The following PCYT1A variants were observed in gnomAD, a reference collection of about 807,000 sequenced individuals.
PCYT1A encodes the protein choline-phosphate cytidylyltransferase A.
In PCYT1A, 25 loss-of-function variants were observed where a neutral mutation model predicts 43.7. The observed-to-expected ratio is 0.57, with a 90% CI of 0.42 to 0.80. The LOEUF is 0.80. PCYT1A is among the 30% of genes least tolerant of loss of function. PCYT1A has a pLI of 0.00. For missense variants in PCYT1A, 421 were observed against 474.2 expected (o/e 0.89, Z 1.04); for synonymous variants, 172 against 170.7 (o/e 1.01, Z -0.06).
intron 5 of PCYT1A, among the ~76,000 whole-genome samples, chr3:196,245,372 T>A (rs1724529242): frequency 6.6e-6 from 1 of 152,120 alleles, no homozygotes; most frequent in Admixed American, 6.5e-5. Context: ...ACTCCTGACC[T>A]CAAGTGATCC....
Position 196,257,900 on chromosome 3 carries a change from A to T in PCYT1A, c.118-13T>A. 6.4e-7 allele frequency: 1 copy of T among 1,557,990 alleles called. No homozygotes were observed. The highest frequency in any genetic ancestry group is 8.8e-7 in the Non-Finnish European group (1 of 1,130,686). On this transcript the variant is annotated splice_polypyrimidine_tract_variant and intron_variant, in intron 2 of 8. Transcript: ENST00000431016. ...GTTGCCGTAAGCCCTTAAGAAATGG[A>T]AAGTGAAGGAAAAGAAAGTTCAACT...
intron 1 of PCYT1A, among the ~76,000 whole-genome samples, chr3:196,285,960 TG>T (rs1725898450): frequency 6.6e-6 from 1 of 152,138 alleles, no homozygotes; most frequent in Non-Finnish European, 1.5e-5. Flanking sequence ...TCCCAACCCT[TG>T]TTCCTACGCT....
Position 196,252,860 on chromosome 3 carries a change from T to C in PCYT1A, c.218-4537A>G, listed in dbSNP as rs371038804. ...CTGGGCAACACAGTGAAACCCTATC[T>C]CTATTAAAATTATTTTTTACTGCCA... On this transcript the variant is annotated intron_variant, in intron 3 of 8. Transcript: ENST00000431016. The surrounding 1 kb of genome is among the most constrained non-coding windows in gnomAD (Gnocchi z 4.0). Among the ~76,000 whole-genome samples the C allele has an allele frequency of 5.9e-5, 9 of 151,390 alleles. No individual in the cohort carries two copies. The highest frequency in any genetic ancestry group is 3.9e-4 in the East Asian group (2 of 5,182).
chr3:196,258,549 T>A (rs75475085), intron 2 of PCYT1A, among the ~76,000 whole-genome samples: 3,906 of 152,016 alleles, frequency 0.026, 156 homozygotes, highest in African/African-American at 0.088. Context: ...TATAATATCA[T>A]GTCATCTGTG....
Position 196,234,484 on chromosome 3 carries a change from C to T in PCYT1A, c.*4204G>A, listed in dbSNP as rs1198221441. On this transcript the variant is annotated 3_prime_UTR_variant, in exon 9 of 9. Transcript: ENST00000431016. Reference sequence around the variant, plus strand: ...GAACCCCACTTGAGGAAGACTTCCCCACGGACTCACACTGGTGATGGGGCG... The same window carrying T: ...GAACCCCACTTGAGGAAGACTTCCCTACGGACTCACACTGGTGATGGGGCG... 1.3e-5 allele frequency: 2 copies of T among 152,212 alleles called. No homozygotes were observed. Among genetic ancestry groups the T allele is most frequent in the Admixed American group, 1.3e-4 (2 of 15,274 alleles). 9.4% of individuals were successfully genotyped at this position (152,212 alleles called of 1,614,324 possible).
In PCYT1A at chr3:196,235,448, TA is replaced by T. The variant is rs1724133064; in HGVS notation, c.*3239del. On this transcript the variant is annotated 3_prime_UTR_variant, in exon 9 of 9. Coordinates refer to ENST00000431016, the MANE Select transcript of PCYT1A (RefSeq NM_001312673.2). The surrounding 1 kb of genome is among the most constrained non-coding windows in gnomAD (Gnocchi z 4.3). ...AACCTCCTCACATCCCTAACTTTCT[TA>T]CCCAAGCCTCAGCAATATAATGGTC... 6.6e-6 allele frequency: 1 copy of T among 152,276 alleles called. No homozygotes were observed. Among genetic ancestry groups the T allele is most frequent in the South Asian group, 2.1e-4 (1 of 4,832 alleles). The allele number at this position is 152,276 out of a possible 1,614,324, so 9.4% of individuals were successfully genotyped here. A position where few individuals can be genotyped will look rare whatever the true frequency, so the allele number is the denominator to read the frequency against.
intron 5 of PCYT1A, among the ~76,000 whole-genome samples, chr3:196,244,856 G>A (rs1412533237): frequency 6.6e-6 from 1 of 152,020 alleles, no homozygotes; most frequent in Non-Finnish European, 1.5e-5. Flanking sequence ...TAAGGGCGGT[G>A]CAAGATGTGC....
chr3:196,285,419 A>G (rs1028926464), intron 1 of PCYT1A, among the ~76,000 whole-genome samples: 2 of 152,162 alleles, frequency 1.3e-5, no homozygotes, highest in Non-Finnish European at 2.9e-5. Flanking sequence ...GGATCGTGCC[A>G]GCACACTCCA....
chr3:196,268,103 A>G lies in PCYT1A; in HGVS notation c.117+2312T>C, dbSNP rs1725329512. ...TATATGAAGCAAAGTAATTTAAAGC[A>G]TTAAGACTCCCCAGAAGAATTTAAA... On this transcript the variant is annotated intron_variant, in intron 2 of 8. Transcript: ENST00000431016. This position sits in a 1 kb window ranked among gnomAD's most constrained non-coding sequence, Gnocchi z 4.4. Among the ~76,000 whole-genome samples, 1 of 151,566 alleles carries G rather than the reference A, an allele frequency of 6.6e-6. No homozygotes were observed. Among genetic ancestry groups the G allele is most frequent in the Non-Finnish European group, 1.5e-5 (1 of 67,978 alleles).
Position 196,247,341 on chromosome 3 carries a change from A to G in PCYT1A, c.486+26T>C. 1 of 1,611,354 alleles carries G rather than the reference A, an allele frequency of 6.2e-7. No individual in the cohort carries two copies. ...AGTTGAGGGGATTCTGAAACAAGGA[A>G]TGGGAATATGTGTCCAGTTTCTTAC... On this transcript the variant is annotated intron_variant, in intron 5 of 8. Coordinates refer to ENST00000431016, the MANE Select transcript of PCYT1A (RefSeq NM_001312673.2). This position sits in a 1 kb window ranked among gnomAD's most constrained non-coding sequence, Gnocchi z 4.8.
chr3:196,239,596 C>T lies in PCYT1A; in HGVS notation c.848G>A (p.Arg283Gln), dbSNP rs1282668916. Residue 283 changes from arginine (R) to glutamine (Q), a missense_variant, in exon 8 of 9, where the codon CGA becomes CAA. By Grantham distance (43) the Arg-to-Gln change is conservative. Coordinates refer to ENST00000431016, the MANE Select transcript of PCYT1A (RefSeq NM_001312673.2). Reference sequence around the variant, plus strand: ...TTCCAGAAAACTTCCAATGAATTCTCGGGACTTCTCCTCCCACTTCTGAAT... The same window carrying T: ...TTCCAGAAAACTTCCAATGAATTCTTGGGACTTCTCCTCCCACTTCTGAAT... ...DLIQKWEEKS[R>Q]EFIGSFLEMF... is the part of the protein sequence containing the mutation. 3.1e-6 allele frequency: 5 copies of T among 1,613,322 alleles called. No individual in the cohort carries two copies. Among genetic ancestry groups the T allele is most frequent in the Non-Finnish European group, 4.2e-6 (5 of 1,179,252 alleles).
At position 196,247,227 on chromosome 3, in the gene PCYT1A, T is replaced by C; in HGVS notation, c.486+140A>G. The C allele has an allele frequency of 2.4e-6, 2 of 846,812 alleles. No homozygotes were observed. The highest frequency in any genetic ancestry group is 4.8e-5 in the East Asian group (2 of 41,276). The allele number at this position is 846,812 out of a possible 1,614,324, so 52.5% of individuals were successfully genotyped here. Reference sequence around the variant, plus strand: ...CAGGGGTGACTGTTATCACTAGTAATATCACTGTCATCTCCTACGAAACTT... The same window carrying C: ...CAGGGGTGACTGTTATCACTAGTAACATCACTGTCATCTCCTACGAAACTT... On this transcript the variant is annotated intron_variant, in intron 5 of 8. Transcript: ENST00000431016. The surrounding 1 kb of genome is among the most constrained non-coding windows in gnomAD (Gnocchi z 4.8).
intron 1 of PCYT1A, among the ~76,000 whole-genome samples, chr3:196,283,028 A>G (rs894835366): frequency 7.9e-5 from 12 of 152,222 alleles, no homozygotes; most frequent in Admixed American, 7.9e-4. Context: ...AACTTGTGGT[A>G]CAAGAGAATT....
chr3:196,251,286 T>C (rs938273027), intron 3 of PCYT1A: 3 of 174,474 alleles, frequency 1.7e-5, no homozygotes, highest in African/African-American at 7.3e-5. Context: ...AGATACACCA[T>C]GCTGAGGTTG....
At chr3:196,279,610 A>C (rs533329366) in intron 1 of PCYT1A, among the ~76,000 whole-genome samples, 2 of 152,240 alleles carry the variant, frequency 1.3e-5, no homozygotes, top group African/African-American at 4.8e-5. Context: ...GTTCCAACAC[A>C]TGCCTGCTGA....
Position 196,242,563 on chromosome 3 carries a change from TG to T in PCYT1A, c.563del (p.Ala188GlufsTer62). The part of the protein sequence containing the change: ...SDDVYKHIKE[A>X]GMFAPTQRTE... ...AGTGAGGAAGCACAGCTCACTCACC[TG>T]CCTCCTTGATGTGCTTATAAACATC... On this transcript the variant is annotated frameshift_variant and splice_region_variant, in exon 6 of 9. Transcript: ENST00000431016. LOFTEE classifies it high-confidence loss of function. This position sits in a 1 kb window ranked among gnomAD's most constrained non-coding sequence, Gnocchi z 4.2. 6.2e-7 allele frequency: 1 copy of T among 1,601,550 alleles called. No homozygotes were observed.
At chr3:196,276,016 G>A (rs930566745) in intron 1 of PCYT1A, among the ~76,000 whole-genome samples, 2 of 150,608 alleles carry the variant, frequency 1.3e-5, no homozygotes, top group African/African-American at 4.9e-5. Context: ...AGAATGGTGT[G>A]AACCCGGGAG....
At chr3:196,256,112 G>T (rs1724942826) in intron 3 of PCYT1A, among the ~76,000 whole-genome samples, 1 of 152,172 alleles carries the variant, frequency 6.6e-6, no homozygotes, top group South Asian at 2.1e-4. Context: ...AAAAGGAAAG[G>T]ATTCTCTGGA....
At chr3:196,257,697 G>A (rs1312232863) in intron 3 of PCYT1A, 91 bp downstream of exon 3, 1 of 776,220 alleles carries the variant, frequency 1.3e-6, no homozygotes, top group Non-Finnish European at 2.2e-6. Flanking sequence ...TAAACAGAGG[G>A]CAGTATATAG....
Sources: allele counts gnomAD v4.1 joint callset (sites outside exome capture counted in the v4.1 genomes callset), GRCh38; gene constraint gnomAD v4.1.1; non-coding constraint Gnocchi (gnomAD v3.1); transcripts MANE v1.5; gene names NCBI Gene and HGNC (gene_info 2026-07-23, HGNC 2026-07-21).